The following CDH18 variants were observed in gnomAD, a reference collection of about 807,000 sequenced individuals.
CDH18 encodes cadherin-18.
In CDH18, 31 loss-of-function variants were observed where a neutral mutation model predicts 67.9. That is an observed-to-expected ratio of 0.46 (90% CI 0.34 to 0.62). The LOEUF (loss-of-function observed/expected upper bound fraction) is 0.62, where lower values mean the gene tolerates loss of function less well. Among genes scored for constraint, CDH18 ranks in the 20% least tolerant of loss-of-function variants. CDH18 has a pLI of 0.01. For missense variants in CDH18, 890 were observed against 975.5 expected (o/e 0.91, Z 1.17); for synonymous variants, 362 against 347.2 (o/e 1.04, Z -0.48).
chr5:20,405,620 C>T (rs1283339825), intron 1 of CDH18, among the ~76,000 whole-genome samples: 1 of 152,052 alleles, frequency 6.6e-6, no homozygotes. Context: ...TTCTGCACAG[C>T]AAAAGAAACT....
chr5:20,433,874 G>C (rs1388250727), intron 1 of CDH18, among the ~76,000 whole-genome samples: 1 of 152,056 alleles, frequency 6.6e-6, no homozygotes, highest in Non-Finnish European at 1.5e-5. Context: ...TTATGTTAGA[G>C]AGAGTAGAAA....
At chr5:20,479,391 A>T (rs1262146382) in intron 1 of CDH18, among the ~76,000 whole-genome samples, 7 of 152,146 alleles carry the variant, frequency 4.6e-5, no homozygotes, top group Non-Finnish European at 7.3e-5. Context: ...AACAATTCAG[A>T]ATACTGTCAG....
At chr5:20,101,259 G>T (rs1420594394) in intron 2 of CDH18, among the ~76,000 whole-genome samples, 1 of 152,092 alleles carries the variant, frequency 6.6e-6, no homozygotes, top group Non-Finnish European at 1.5e-5. Flanking sequence ...ACCACGCCTG[G>T]CCAAATCTAA....
At chr5:20,044,278 A>G (rs1740713608) in intron 2 of CDH18, among the ~76,000 whole-genome samples, 1 of 152,182 alleles carries the variant, frequency 6.6e-6, no homozygotes, top group African/African-American at 2.4e-5. Flanking sequence ...ATGTCCTTAG[A>G]CATTTTCAAA....
intron 2 of CDH18, among the ~76,000 whole-genome samples, chr5:19,919,899 G>A (rs1313244168): frequency 6.6e-6 from 1 of 152,084 alleles, no homozygotes; most frequent in Non-Finnish European, 1.5e-5. Flanking sequence ...TCCTGCAAAA[G>A]ACTAACCATA....
chr5:19,850,282 G>T (rs115528152), intron 2 of CDH18, among the ~76,000 whole-genome samples: 2 of 151,596 alleles, frequency 1.3e-5, no homozygotes, highest in East Asian at 1.9e-4. Flanking sequence ...TGTCCCATTC[G>T]TAAAATGTAA....
At chr5:19,702,316 T>C (rs1348892350) in intron 5 of CDH18, among the ~76,000 whole-genome samples, 1 of 151,660 alleles carries the variant, frequency 6.6e-6, no homozygotes, top group Non-Finnish European at 1.5e-5. Flanking sequence ...ACCTGGCTAA[T>C]TTTATGTATT....
At chr5:20,331,250 C>CT (rs955336192) in intron 1 of CDH18, 3 of 152,048 alleles carry the variant, frequency 2.0e-5, no homozygotes, top group African/African-American at 7.2e-5. Context: ...TTTATTTGAC[C>CT]TTTTTGCATA....
intron 8 of CDH18, among the ~76,000 whole-genome samples, chr5:19,544,554 A>G: frequency 6.6e-6 from 1 of 152,164 alleles, no homozygotes; most frequent in South Asian, 2.1e-4. Context: ...AAAAATAAAT[A>G]AAGATAGGTT....
chr5:19,743,486 C>T (rs1769507061), intron 4 of CDH18, among the ~76,000 whole-genome samples: 1 of 152,064 alleles, frequency 6.6e-6, no homozygotes, highest in Non-Finnish European at 1.5e-5. Context: ...ATTGCCGTGC[C>T]AAAACTACCA....
chr5:19,721,304 T>C (rs768638329), intron 5 of CDH18, 43 bp downstream of exon 5: 1 of 1,508,410 alleles, frequency 6.6e-7, no homozygotes, highest in Non-Finnish European at 9.0e-7. Flanking sequence ...TGCAACTTAC[T>C]GTAGCAAACG....
chr5:20,087,364 T>C (rs1350445092), intron 2 of CDH18, among the ~76,000 whole-genome samples: 1 of 152,152 alleles, frequency 6.6e-6, no homozygotes, highest in Non-Finnish European at 1.5e-5. Context: ...TTATATAAAC[T>C]TAGTTGCTAA....
chr5:19,537,312 G>A (rs1749573415), intron 9 of CDH18, among the ~76,000 whole-genome samples: 1 of 152,106 alleles, frequency 6.6e-6, no homozygotes, highest in South Asian at 2.1e-4. Context: ...GATTTGGGAT[G>A]TGATAGCTTC....
At chr5:20,269,587 G>A (rs1745287603) in intron 1 of CDH18, among the ~76,000 whole-genome samples, 1 of 152,064 alleles carries the variant, frequency 6.6e-6, no homozygotes, top group African/African-American at 2.4e-5. Context: ...GATGCAGCTG[G>A]AGGCCATTAT....
At chr5:20,505,037 G>T (rs1487591069) in intron 1 of CDH18, among the ~76,000 whole-genome samples, 1 of 151,960 alleles carries the variant, frequency 6.6e-6, no homozygotes, top group Non-Finnish European at 1.5e-5. Flanking sequence ...AAAGTGCTGG[G>T]ATTACAGGTG....
In CDH18 at chr5:19,838,945, C is replaced by T. The variant is rs1341909009; in HGVS notation, c.42G>A (p.Val14=). 8 of 1,614,068 alleles carry T rather than the reference C, an allele frequency of 5.0e-6. No homozygotes were observed. The highest frequency in any genetic ancestry group is 1.1e-5 in the South Asian group (1 of 91,084). Residue 14 remains valine, a synonymous_variant, in exon 3 of 13, where the codon GTG becomes GTA. Transcript: ENST00000382275. ...AACACCTCTGCACAAAACAGAGACA[C>T]ACTAGGACTGGACAGATGCAAGATG... is the stretch of plus-strand genomic sequence containing the variant. ...TSTSCICPVL[V]CLCFVQRCYG...
At chr5:20,165,696 T>C (rs1736229407) in intron 2 of CDH18, among the ~76,000 whole-genome samples, 1 of 152,110 alleles carries the variant, frequency 6.6e-6, no homozygotes, top group African/African-American at 2.4e-5. Flanking sequence ...CTAAACTACC[T>C]AAAATATATT....
intron 1 of CDH18, among the ~76,000 whole-genome samples, chr5:20,401,192 T>C (rs1203398524): frequency 6.6e-6 from 1 of 152,222 alleles, no homozygotes; most frequent in East Asian, 1.9e-4. Context: ...AGACCAGATT[T>C]GTAAGCTAAA....
chr5:20,256,742 A>G (rs544998753), intron 1 of CDH18, among the ~76,000 whole-genome samples: 46 of 152,204 alleles, frequency 3.0e-4, no homozygotes, highest in African/African-American at 1.1e-3. Context: ...CTGGTATCTA[A>G]GAGAAAAAAA....
Sources: allele counts gnomAD v4.1 joint callset (sites outside exome capture counted in the v4.1 genomes callset), GRCh38; gene constraint gnomAD v4.1.1; transcripts MANE v1.5; gene names NCBI Gene and HGNC (gene_info 2026-07-23, HGNC 2026-07-21).